Variants in TK2 observed in about 807,000 individuals in gnomAD.
TK2 encodes the protein thymidine kinase 2.
Under a neutral mutation model 41.9 loss-of-function variants are expected in TK2, and 35 were observed. The ratio of observed to expected loss-of-function variants is 0.84; its 90% CI spans 0.64 to 1.11. TK2 has a LOEUF of 1.11. Ranked by LOEUF, TK2 falls within the 50% of genes least tolerant of loss-of-function variation. The pLI is 0.00. For missense variants in TK2, 320 were observed against 351.1 expected (o/e 0.91, Z 0.71); for synonymous variants, 128 against 129.1 (o/e 0.99, Z 0.06).
intron 4 of TK2, among the ~76,000 whole-genome samples, 196 bp downstream of exon 4, chr16:66,536,768 C>T (rs1029593569): frequency 2.0e-5 from 3 of 152,032 alleles, no homozygotes; most frequent in Non-Finnish European, 4.4e-5. Context: ...GCTCTGTGCA[C>T]AGCCACTCAG....
intron 4 of TK2, among the ~76,000 whole-genome samples, chr16:66,531,756 A>C (rs1347389992): frequency 4.6e-5 from 7 of 152,246 alleles, no homozygotes; most frequent in Non-Finnish European, 8.8e-5. Flanking sequence ...ATTGGAAAGG[A>C]AGAAGTCATC....
At chr16:66,526,840 C>T (rs149787094) in intron 6 of TK2, among the ~76,000 whole-genome samples, 96 of 152,350 alleles carry the variant, frequency 6.3e-4, no homozygotes, top group South Asian at 2.1e-3. Context: ...CCCCACTCTG[C>T]GAGGTTCATA....
At chr16:66,513,928 G>T in intron 8 of TK2, 117 bp from the exon 9 acceptor site, 1 of 898,292 alleles carries the variant, frequency 1.1e-6, no homozygotes. Context: ...CTCAGACAAA[G>T]GAACCCTGCA....
Position 66,511,844 on chromosome 16 carries a change from A to G in TK2, c.*124T>C, listed in dbSNP as rs1597071722. ...AGACACTAGCAAAGGAGATGAGACC[A>G]TTAGGAAAATCAAGCTGGCCAGACA... On this transcript the variant is annotated 3_prime_UTR_variant, in exon 10 of 10. Coordinates refer to ENST00000544898, the MANE Select transcript of TK2 (RefSeq NM_004614.5). 7.5e-6 allele frequency: 6 copies of G among 799,978 alleles called. No homozygotes were observed. The East Asian group carries it at 1.3e-4, about 17-fold the overall frequency. The allele number at this position is 799,978 out of a possible 1,614,324, so 49.6% of individuals were successfully genotyped here.
chr16:66,517,275 G>T lies in TK2; in HGVS notation c.539-60C>A, dbSNP rs2303776. On this transcript the variant is annotated intron_variant, in intron 7 of 9. Transcript: ENST00000544898. This position sits in a 1 kb window ranked among gnomAD's most constrained non-coding sequence, Gnocchi z 4.3. ...TGCTCATGGCTTGGAAGCAAAGCAG[G>T]CACACAGGCAAAGGCGGGAGGAAGG... 5.9e-4 allele frequency: 855 copies of T among 1,444,522 alleles called. 4 individuals are homozygous for T. In the East Asian group the frequency reaches 0.016, roughly 28 times the overall value. 89.5% of individuals were successfully genotyped at this position (1,444,522 alleles called of 1,614,324 possible).
chr16:66,543,399 C>T (rs2144467340), intron 2 of TK2, among the ~76,000 whole-genome samples: 1 of 152,318 alleles, frequency 6.6e-6, no homozygotes, highest in East Asian at 1.9e-4. Context: ...TGACCAAGCT[C>T]TGCTCAGCCA....
In TK2 at chr16:66,517,067, G is replaced by A; in HGVS notation, c.618+69C>T. The A allele has an allele frequency of 7.3e-7, 1 of 1,366,176 alleles. No homozygotes were observed. Among genetic ancestry groups the A allele is most frequent in the Non-Finnish European group, 1.0e-6 (1 of 954,102 alleles). 84.6% of individuals were successfully genotyped at this position (1,366,176 alleles called of 1,614,324 possible). A position where few individuals can be genotyped will look rare whatever the true frequency, so the allele number is the denominator to read the frequency against. ...AATGATCTCATGGGGGTGGGGCCGG[G>A]AGAGGAAGCCGGGTTGGACAGAGGT... On this transcript the variant is annotated intron_variant, in intron 8 of 9. Coordinates refer to ENST00000544898, the MANE Select transcript of TK2 (RefSeq NM_004614.5). The surrounding 1 kb of genome is among the most constrained non-coding windows in gnomAD (Gnocchi z 4.3).
intron 4 of TK2, among the ~76,000 whole-genome samples, chr16:66,533,938 G>A (rs1471135115): frequency 6.7e-6 from 1 of 150,322 alleles, no homozygotes; most frequent in African/African-American, 2.5e-5. Context: ...AACCCAGGAG[G>A]CGGAGCTTGC....
chr16:66,549,598 T>C, intron 1 of TK2: 1 of 1,121,990 alleles, frequency 8.9e-7, no homozygotes, highest in Non-Finnish European at 1.1e-6. Flanking sequence ...CAGAATCGGC[T>C]TAAGGCAGCT....
At chr16:66,520,684 G>A (rs41377345) in intron 6 of TK2, among the ~76,000 whole-genome samples, 18,414 of 152,190 alleles carry the variant, frequency 0.12, 1,361 homozygotes, top group African/African-American at 0.19. Context: ...CGAACAGGAT[G>A]CACAGTAGCA....
In TK2 at chr16:66,530,979, T is replaced by C. The variant is rs537404898; in HGVS notation, c.375+401A>G. 3.3e-5 allele frequency among the ~76,000 whole-genome samples: 5 copies of C among 152,310 alleles called. No homozygotes were observed. The South Asian group carries it at 1.0e-3, about 32-fold the overall frequency. ...CTCAGGTGATCCGCATGCCTCAGCC[T>C]CCCAAAGTGCTGGGATTACAGGTGG... On this transcript the variant is annotated intron_variant, in intron 5 of 9. Transcript: ENST00000544898.
At chr16:66,529,289 C>T (rs1408957223) in intron 5 of TK2, among the ~76,000 whole-genome samples, 1 of 152,216 alleles carries the variant, frequency 6.6e-6, no homozygotes, top group Non-Finnish European at 1.5e-5. Context: ...CCTGACCTGC[C>T]CCACACCCCA....
At position 66,526,841 on chromosome 16, in the gene TK2, G is replaced by A. The variant is rs556065346; in HGVS notation, c.449+2153C>T. ...AAAGACAGACACAGCCCCACTCTGC[G>A]AGGTTCATAGGTAATCCCACCCCAC... is the stretch of plus-strand genomic sequence containing the variant. On this transcript the variant is annotated intron_variant, in intron 6 of 9. Transcript: ENST00000544898. Among the ~76,000 whole-genome samples the A allele has an allele frequency of 2.0e-5, 3 of 152,344 alleles. No homozygotes were observed. The South Asian group carries it at 6.2e-4, about 32-fold the overall frequency.
intron 3 of TK2, among the ~76,000 whole-genome samples, chr16:66,538,144 C>T (rs1288404466): frequency 2.0e-5 from 3 of 152,106 alleles, no homozygotes; most frequent in African/African-American, 2.4e-5. Context: ...GCCTGGGTGA[C>T]AGAGCAAGAC....
At chr16:66,548,808 G>C (rs564901600) in intron 2 of TK2, 170 bp downstream of exon 2, 4 of 658,198 alleles carry the variant, frequency 6.1e-6, no homozygotes, top group Non-Finnish European at 1.1e-5. Flanking sequence ...CAAGAAATTG[G>C]TAACAGAGGT....
At position 66,531,255 on chromosome 16, in the gene TK2, G is replaced by A. The variant is rs1965102265; in HGVS notation, c.375+125C>T. The stretch of plus-strand genomic sequence containing the variant: ...AAGCCAGAGACCTTGGCCCCACACA[G>A]AGAGGCCTGCACAGCACTGAAGGCC... On this transcript the variant is annotated intron_variant, in intron 5 of 9. Transcript: ENST00000544898. 6 of 926,626 alleles carry A rather than the reference G, an allele frequency of 6.5e-6. No homozygotes were observed. The Admixed American group carries it at 1.2e-4, about 19-fold the overall frequency. The allele number at this position is 926,626 out of a possible 1,614,324, so 57.4% of individuals were successfully genotyped here. A position where few individuals can be genotyped will look rare whatever the true frequency, so the allele number is the denominator to read the frequency against.
intron 6 of TK2, among the ~76,000 whole-genome samples, chr16:66,519,106 C>G (rs1379790020): frequency 6.7e-6 from 1 of 148,498 alleles, no homozygotes; most frequent in East Asian, 2.0e-4. Flanking sequence ...GGACTACAGG[C>G]ACCCGCCACC....
chr16:66,537,590 C>T (rs566195624), intron 3 of TK2, among the ~76,000 whole-genome samples: 1 of 152,356 alleles, frequency 6.6e-6, no homozygotes, highest in South Asian at 2.1e-4. Flanking sequence ...GACTGCCAAT[C>T]TCTCCAACAT....
Position 66,517,161 on chromosome 16 carries a change from CT to C in TK2, c.592del (p.Arg198GlyfsTer37). 1 of 1,614,178 alleles carries C rather than the reference CT, an allele frequency of 6.2e-7. No individual in the cohort carries two copies. The highest frequency in any genetic ancestry group is 8.5e-7 in the Non-Finnish European group (1 of 1,180,032). On this transcript the variant is annotated frameshift_variant, in exon 8 of 10. Coordinates refer to ENST00000544898, the MANE Select transcript of TK2 (RefSeq NM_004614.5). LOFTEE classifies it high-confidence loss of function. This position sits in a 1 kb window ranked among gnomAD's most constrained non-coding sequence, Gnocchi z 4.3. ...TCYQRLKKRC[R>X]EEEKVIPLEY... ...CAGCGGAATGACCTTCTCCTCTTCC[CT>C]GCATCTCTTCTTTAACCTCTGGTAA...
Sources: gnomAD v4.1 joint callset for allele counts (sites outside exome capture counted in the v4.1 genomes callset) on GRCh38, gnomAD v4.1.1 for gene constraint, Gnocchi (gnomAD v3.1) non-coding constraint, MANE v1.5 for transcripts, NCBI Gene and HGNC (gene_info 2026-07-23, HGNC 2026-07-21) for gene names.